The following DOP1A variants were observed in gnomAD, a reference collection of about 807,000 sequenced individuals.
DOP1A encodes DOP1 leucine zipper like protein A.
DOP1A carries 90 observed loss-of-function variants against 267.6 expected under a neutral mutation model. The ratio of observed to expected loss-of-function variants is 0.34; its 90% CI spans 0.28 to 0.40. The LOEUF (loss-of-function observed/expected upper bound fraction) is 0.40. DOP1A is among the 10% of genes least tolerant of loss of function. DOP1A has a pLI of 1.00. For synonymous variants in DOP1A, 932 were observed against 999.1 expected, an observed-to-expected ratio of 0.93 and a Z score of 1.27; for missense variants, 2,437 against 2,900.4, an observed-to-expected ratio of 0.84 and a Z score of 3.67.
chr6:83,122,911 CCTT>C lies in DOP1A; in HGVS notation c.1272_1274del (p.Leu425del), dbSNP rs866106193. The C allele has an allele frequency of 4.5e-6, 7 of 1,570,138 alleles. No individual in the cohort carries two copies. Among genetic ancestry groups the C allele is most frequent in the Non-Finnish European group, 5.2e-6 (6 of 1,161,574 alleles). On this transcript the variant is annotated inframe_deletion, in exon 12 of 39. Transcript: ENST00000349129. The stretch of plus-strand genomic sequence containing the variant: ...CAGCAGAGCTGATTAAAACTGCTAA[CCTT>C]CTCTTTAATTCCTTCGAACCTTATT...
intron 1 of DOP1A, among the ~76,000 whole-genome samples, chr6:83,093,752 A>G (rs1014195546): frequency 6.6e-6 from 1 of 152,098 alleles, no homozygotes; most frequent in Non-Finnish European, 1.5e-5. Context: ...CTAAAAATAC[A>G]AAAATTAGCC....
intron 1 of DOP1A, among the ~76,000 whole-genome samples, chr6:83,094,675 A>C (rs1215285565): frequency 6.6e-6 from 1 of 152,160 alleles, no homozygotes; most frequent in Non-Finnish European, 1.5e-5. Flanking sequence ...GACCATTTGT[A>C]CATTTTCCTT....
chr6:83,132,337 T>C lies in DOP1A; in HGVS notation c.2769+9T>C. 12 of 1,514,458 alleles carry C rather than the reference T, an allele frequency of 7.9e-6. No homozygotes were observed. The highest frequency in any genetic ancestry group is 1.1e-5 in the Non-Finnish European group (12 of 1,137,020). The allele number at this position is 1,514,458 out of a possible 1,614,324, so 93.8% of individuals were successfully genotyped here. On this transcript the variant is annotated intron_variant, in intron 18 of 38. Transcript: ENST00000349129. ...TAACCCATAAAGATAAGGTAAATCC[T>C]CTTATCTTGTGCACACCGCCCCCTC...
chr6:83,119,275 A>G (rs2128210003), intron 8 of DOP1A, among the ~76,000 whole-genome samples: 1 of 152,274 alleles, frequency 6.6e-6, no homozygotes, highest in African/African-American at 2.4e-5. Flanking sequence ...GTAGGCAAAG[A>G]AGGATGAGCT....
rs745844164 is a variant in DOP1A, at chr6:83,139,156, ATAG to A, written c.5118_5120del (p.Ser1706del). On this transcript the variant is annotated inframe_deletion, in exon 21 of 39. Coordinates refer to ENST00000349129, the MANE Select transcript of DOP1A (RefSeq NM_015018.4). ...TACAAATACGAAACAGGATTATCTG[ATAG>A]TAGGTAAGAGGTGATTTTTAACTTT... The A allele has an allele frequency of 3.2e-5, 51 of 1,608,310 alleles. No individual in the cohort carries two copies. Among genetic ancestry groups the A allele is most frequent in the Non-Finnish European group, 4.1e-5 (48 of 1,175,972 alleles).
At position 83,125,510 on chromosome 6, in the gene DOP1A, T is replaced by C. The variant is rs1296187757; in HGVS notation, c.1496T>C (p.Ile499Thr). ...SMRVLCQETY[I>T]EIQTEHLPQL... ...CACTTTTATTTTCAGGAGACTTACA[T>C]TGAAATCCAGACAGAACACTTGCCC... The change falls in exon 15 of 39, where the codon ATT (isoleucine) becomes ACT (threonine). Residue 499 changes from isoleucine (I) to threonine (T), a missense_variant. Ile to Thr is a moderately conservative substitution (Grantham distance 89). Transcript: ENST00000349129. The C allele has an allele frequency of 1.2e-6, 2 of 1,613,106 alleles. No homozygotes were observed. The highest frequency in any genetic ancestry group is 2.2e-5 in the East Asian group (1 of 44,868).
intron 23 of DOP1A, among the ~76,000 whole-genome samples, chr6:83,140,827 A>C (rs1317574160): frequency 6.6e-6 from 1 of 152,016 alleles, no homozygotes; most frequent in Non-Finnish European, 1.5e-5. Context: ...CTTTCACGTG[A>C]CATATTTTTA....
chr6:83,155,494 G>C (rs1228667581), intron 33 of DOP1A, among the ~76,000 whole-genome samples: 1 of 151,970 alleles, frequency 6.6e-6, no homozygotes, highest in Non-Finnish European at 1.5e-5. Context: ...CAAAGGTCTT[G>C]GGATGGGAGC....
At chr6:83,163,667 C>A (rs12190346) in intron 38 of DOP1A, among the ~76,000 whole-genome samples, 15,953 of 152,130 alleles carry the variant, frequency 0.1, 1,037 homozygotes, top group Non-Finnish European at 0.15. Flanking sequence ...CAAAACAGTT[C>A]TTGCCCTTAA....
In DOP1A at chr6:83,068,207, C is replaced by T. The variant is rs188280588; in HGVS notation, c.-147+428C>T. On this transcript the variant is annotated intron_variant, in intron 1 of 38. Transcript: ENST00000349129. ...AAGGAATCGAGGCGTTGTGCCTTCT[C>T]GGCTGGTGGGTTCTTTTAGCATTGA... 9.2e-4 allele frequency among the ~76,000 whole-genome samples: 140 copies of T among 152,298 alleles called. 1 individual carries two copies. The highest frequency in any genetic ancestry group is 3.1e-3 in the African/African-American group (130 of 41,584).
intron 3 of DOP1A, 139 bp downstream of exon 3, chr6:83,097,254 C>A: frequency 1.1e-6 from 1 of 926,846 alleles, no homozygotes; most frequent in South Asian, 1.9e-5. Context: ...TGCTATTTTT[C>A]TTCATGAGTT....
intron 28 of DOP1A, 46 bp from the exon 29 acceptor site, chr6:83,151,837 T>C (rs1397604994): frequency 1.9e-6 from 3 of 1,560,244 alleles, no homozygotes; most frequent in African/African-American, 1.4e-5. Context: ...TCATAACTAG[T>C]GTGCATGTGT....
At chr6:83,114,096 G>A (rs531390315) in intron 7 of DOP1A, among the ~76,000 whole-genome samples, 1 of 152,154 alleles carries the variant, frequency 6.6e-6, no homozygotes, top group African/African-American at 2.4e-5. Context: ...TCCTAAAAAG[G>A]ACTATTATTT....
At chr6:83,135,533 TAAG>T (rs1319741333) in intron 19 of DOP1A, 83 bp from the exon 20 acceptor site, 4 of 1,388,304 alleles carry the variant, frequency 2.9e-6, no homozygotes, top group Non-Finnish European at 3.9e-6. Flanking sequence ...TAATTCAAAA[TAAG>T]AAACAGAATT....
intron 4 of DOP1A, among the ~76,000 whole-genome samples, chr6:83,102,888 A>G (rs1455872058): frequency 1.3e-5 from 2 of 152,094 alleles, no homozygotes; most frequent in Admixed American, 1.3e-4. Flanking sequence ...TTTTCCCCCC[A>G]GTTTATTCCA....
chr6:83,114,214 ATT>A (rs1265258426), intron 7 of DOP1A, among the ~76,000 whole-genome samples: 1 of 152,066 alleles, frequency 6.6e-6, no homozygotes, highest in African/African-American at 2.4e-5. Flanking sequence ...TACTTATTTA[ATT>A]TGATATTGAA....
rs1157841188 is a variant in DOP1A at position 83,100,721 on chromosome 6, C to T, written c.155C>T (p.Ala52Val). Residue 52 changes from alanine to valine, a missense_variant, in exon 4 of 39, where the codon GCA (alanine) becomes GTA (valine). Coordinates refer to ENST00000349129, the MANE Select transcript of DOP1A (RefSeq NM_015018.4). ...GKLNKVLQNN[A>V]KYQVVPKKLT... ...TTCTTCAAGGTTTTACAAAATAATGCAAAGTACCAAGTAGTACCCAAAAAG... is the reference window on the plus strand; with the variant it reads ...TTCTTCAAGGTTTTACAAAATAATGTAAAGTACCAAGTAGTACCCAAAAAG... 2.0e-6 allele frequency: 3 copies of T among 1,475,968 alleles called. No individual in the cohort carries two copies. The highest frequency in any genetic ancestry group is 1.4e-5 in the African/African-American group (1 of 70,162). The allele number at this position is 1,475,968 out of a possible 1,614,324, so 91.4% of individuals were successfully genotyped here. A position where few individuals can be genotyped will look rare whatever the true frequency, so the allele number is the denominator to read the frequency against.
At chr6:83,113,255 G>A (rs1027146093) in intron 6 of DOP1A, 68 bp from the exon 7 acceptor site, 18 of 1,215,526 alleles carry the variant, frequency 1.5e-5, no homozygotes, top group Non-Finnish European at 2.1e-5. Flanking sequence ...ATAAAGAGTT[G>A]TCACATTTTC....
At position 83,137,210 on chromosome 6, in the gene DOP1A, T is replaced by C. The variant is rs1406509220; in HGVS notation, c.3168T>C (p.Gly1056=). The change falls in exon 21 of 39, where the codon GGT becomes GGC. Residue 1056 remains glycine, a synonymous_variant. Transcript: ENST00000349129. The stretch of plus-strand genomic sequence containing the variant: ...AACTCATCACATCAAAAGGAAATGG[T>C]GAAAAGCCACTTACCATGGATGAAA... The part of the protein sequence containing the change: ...QVQLITSKGN[G]EKPLTMDEIE... The C allele has an allele frequency of 1.3e-6, 2 of 1,582,926 alleles. No homozygotes were observed. The highest frequency in any genetic ancestry group is 1.8e-5 in the Admixed American group (1 of 56,398).
Sources: gnomAD v4.1 joint callset for allele counts (sites outside exome capture counted in the v4.1 genomes callset) on GRCh38, gnomAD v4.1.1 for gene constraint, MANE v1.5 for transcripts, NCBI Gene and HGNC (gene_info 2026-07-23, HGNC 2026-07-21) for gene names.